Variants in COL18A1 observed in about 807,000 individuals in gnomAD.
COL18A1 encodes the protein collagen type XVIII alpha 1 chain, also known as collagen alpha-1(XVIII) chain.
Under a neutral mutation model 168.0 loss-of-function variants are expected in COL18A1, and 133 were observed. The ratio of observed to expected loss-of-function variants is 0.79; its 90% confidence interval spans 0.69 to 0.91. COL18A1 has a LOEUF of 0.91. COL18A1 is among the 40% of genes least tolerant of loss of function. COL18A1 has a pLI of 0.00. For synonymous variants in COL18A1, 949 were observed against 809.0 expected, an observed-to-expected ratio of 1.17 and a Z score of -2.94; for missense variants, 2,126 against 1,925.4, an observed-to-expected ratio of 1.10 and a Z score of -1.95.
chr21:45,482,197 G>A, intron 14 of COL18A1, 172 bp downstream of exon 14: 1 of 628,612 alleles, frequency 1.6e-6, no homozygotes, highest in Non-Finnish European at 2.9e-6. Context: ...TGGGCGGCTG[G>A]GGCTTGGGTA....
At chr21:45,451,494 T>C (rs556115098) in intron 2 of COL18A1, among the ~76,000 whole-genome samples, 1 of 152,226 alleles carries the variant, frequency 6.6e-6, no homozygotes, top group South Asian at 2.1e-4. Context: ...CTTTCCGGGA[T>C]CCCACGGGGT....
rs773189476 is a variant in COL18A1, at chr21:45,497,037, C to T, written c.2578-13C>T. On this transcript the variant is annotated splice_polypyrimidine_tract_variant and intron_variant, in intron 30 of 41. Coordinates refer to ENST00000651438, the MANE Select transcript of COL18A1 (RefSeq NM_001379500.1). ...CATCGCCCTCAGCAGCCGCCTCTCC[C>T]CGTTCCTTGCAGGTGTTTGCTGAGT... The T allele has an allele frequency of 6.3e-7, 1 of 1,599,066 alleles. No homozygotes were observed. The highest frequency in any genetic ancestry group is 8.5e-7 in the Non-Finnish European group (1 of 1,170,126).
intron 2 of COL18A1, chr21:45,455,443 G>GGGAGGGCA: frequency 7.0e-6 from 11 of 1,565,590 alleles, no homozygotes; most frequent in South Asian, 1.1e-5. Flanking sequence ...GCCTGCACAG[G>GGGAGGGCA]GGAGGGCAGG....
intron 2 of COL18A1, among the ~76,000 whole-genome samples, chr21:45,453,098 C>T (rs1206235291): frequency 6.6e-6 from 1 of 151,426 alleles, no homozygotes; most frequent in African/African-American, 2.4e-5. Flanking sequence ...TCATGTATGA[C>T]ATGTAAGCAT....
chr21:45,414,200 A>G (rs80045316), intron 2 of COL18A1, among the ~76,000 whole-genome samples: 3,800 of 152,206 alleles, frequency 0.025, 151 homozygotes, highest in African/African-American at 0.084. Flanking sequence ...GCCTCTTGCT[A>G]GGAGGCCATG....
chr21:45,476,401 A>C lies in COL18A1; in HGVS notation c.849A>C (p.Pro283=), dbSNP rs761321726. Residue 283 remains proline (P), a synonymous_variant, in exon 6 of 42, where the codon CCA becomes CCC. Transcript: ENST00000651438. ...RLPAPPPVTT[P]PLAGGSSTED... ...CCGCGCCACCCCCCGTCACCACGCC[A>C]CCCTTGGCTGGAGGCAGCAGCACGG... The C allele has an allele frequency of 1.2e-6, 2 of 1,614,034 alleles. No individual in the cohort carries two copies. Among genetic ancestry groups the C allele is most frequent in the Non-Finnish European group, 1.7e-6 (2 of 1,180,006 alleles).
chr21:45,493,547 C>T lies in COL18A1; in HGVS notation c.2324C>T (p.Ala775Val). The change falls in exon 26 of 42, where the codon GCC becomes GTC. Residue 775 changes from alanine to valine, a missense_variant. Coordinates refer to ENST00000651438, the MANE Select transcript of COL18A1 (RefSeq NM_001379500.1). ...PGSIFSPDGG[A>V]LGPAQKGAKG... is the part of the protein sequence containing the mutation. Reference sequence around the variant, plus strand: ...AGCATCTTCAGCCCCGACGGCGGTGCCCTGGGCCCTGCCCAGAAAGGAGCC... The same window carrying T: ...AGCATCTTCAGCCCCGACGGCGGTGTCCTGGGCCCTGCCCAGAAAGGAGCC... 1 of 1,558,194 alleles carries T rather than the reference C, an allele frequency of 6.4e-7. No individual in the cohort carries two copies.
At chr21:45,405,285 C>CGGCTGCGGGGACTGCGG (rs767179082) in intron 1 of COL18A1, 44 bp downstream of exon 1, 12 of 283,462 alleles carry the variant, frequency 4.2e-5, no homozygotes, top group Non-Finnish European at 5.6e-5. Flanking sequence ...CGCCAAGATG[C>CGGCTGCGGGGACTGCGG]GGCTGCGGGG....
intron 33 of COL18A1, 162 bp from the exon 34 acceptor site, chr21:45,504,254 C>A: frequency 1.1e-6 from 1 of 873,166 alleles, no homozygotes; most frequent in Non-Finnish European, 1.8e-6. Context: ...TCGGCTGATG[C>A]AGTGGGAGGT....
In COL18A1 at chr21:45,498,044, T is replaced by C. The variant is rs2036601777; in HGVS notation, c.2683+383T>C. ...CTCTGTCGAGAAACTCTCCAGGGTT[T>C]CATGTGGGAAGGAGGCGTTGCCCGA... On this transcript the variant is annotated intron_variant, in intron 32 of 41. Transcript: ENST00000651438. This position sits in a 1 kb window ranked among gnomAD's most constrained non-coding sequence, Gnocchi z 4.5. 6.6e-6 allele frequency among the ~76,000 whole-genome samples: 1 copy of C among 152,120 alleles called. No individual in the cohort carries two copies. Among genetic ancestry groups the C allele is most frequent in the African/African-American group, 2.4e-5 (1 of 41,422 alleles).
At chr21:45,456,073 C>T (rs761412846) in intron 2 of COL18A1, 4 of 1,603,762 alleles carry the variant, frequency 2.5e-6, no homozygotes, top group East Asian at 4.5e-5. Flanking sequence ...CGGGCGCCCA[C>T]ACAACCGAGG....
intron 2 of COL18A1, among the ~76,000 whole-genome samples, chr21:45,412,170 G>A (rs549526881): frequency 6.6e-5 from 10 of 151,266 alleles, no homozygotes; most frequent in East Asian, 2.0e-4. Flanking sequence ...CCTATTTTGC[G>A]TACTTTTATT....
At chr21:45,496,258 C>G in intron 29 of COL18A1, 1 of 699,312 alleles carries the variant, frequency 1.4e-6, no homozygotes. Context: ...GACCCGGTGG[C>G]CTCTTCACTC....
chr21:45,432,944 C>T (rs1426040139), intron 2 of COL18A1, among the ~76,000 whole-genome samples: 3 of 152,206 alleles, frequency 2.0e-5, no homozygotes, highest in Non-Finnish European at 4.4e-5. Flanking sequence ...GCCAAATGTC[C>T]CACTAAATTC....
At position 45,455,980 on chromosome 21, in the gene COL18A1, C is replaced by T. The variant is rs780033569; in HGVS notation, c.107-12262C>T. 37 of 1,612,872 alleles carry T rather than the reference C, an allele frequency of 2.3e-5. No homozygotes were observed. Among genetic ancestry groups the T allele is most frequent in the Non-Finnish European group, 2.9e-5 (34 of 1,179,978 alleles). On this transcript the variant is annotated intron_variant, in intron 2 of 41. Transcript: ENST00000651438. ...CCCTGGTCCTGGAGACTCCTGTGGG[C>T]CCCCTTGCCCTCGCTGGGCCTTCCA...
Position 45,505,389 on chromosome 21 carries a change from T to G in COL18A1, c.3045T>G (p.Pro1015=). Residue 1015 remains proline, a synonymous_variant, in exon 36 of 42, where the codon CCT becomes CCG. Coordinates refer to ENST00000651438, the MANE Select transcript of COL18A1 (RefSeq NM_001379500.1). ...GCGTTCCCGGCCCTCCGGGCCCCCC[T>G]GGGCCCCCTGGGCCCCCTGGAACCA... is the stretch of plus-strand genomic sequence containing the variant. The part of the protein sequence containing the change: ...TISVPGPPGP[P]GPPGPPGTMG... The G allele has an allele frequency of 1.9e-6, 3 of 1,570,866 alleles. No individual in the cohort carries two copies. Among genetic ancestry groups the G allele is most frequent in the South Asian group, 2.2e-5 (2 of 88,986 alleles).
chr21:45,448,786 T>C (rs1292441769), intron 2 of COL18A1, among the ~76,000 whole-genome samples: 2 of 152,232 alleles, frequency 1.3e-5, no homozygotes, highest in Non-Finnish European at 2.9e-5. Context: ...TTTTGGGCAG[T>C]CCCAGAGCCG....
rs998252841 is a variant in COL18A1, at chr21:45,463,073, C to G, written c.107-5169C>G. On this transcript the variant is annotated intron_variant, in intron 2 of 41. Transcript: ENST00000651438. This position sits in a 1 kb window ranked among gnomAD's most constrained non-coding sequence, Gnocchi z 4.0. ...ATGTCCCGTTCTTTCATGTTTGGCT[C>G]CCAAAGGAGGAATAAGATAAAAATG... 6.6e-6 allele frequency among the ~76,000 whole-genome samples: 1 copy of G among 152,114 alleles called. No homozygotes were observed. Among genetic ancestry groups the G allele is most frequent in the Admixed American group, 6.5e-5 (1 of 15,274 alleles).
intron 17 of COL18A1, chr21:45,487,717 G>A (rs557458964): frequency 7.1e-6 from 5 of 702,286 alleles, no homozygotes; most frequent in Admixed American, 4.0e-5. Context: ...CACGGGGTGA[G>A]GGCCTGGTCT....
Sources: allele counts gnomAD v4.1 joint callset (sites outside exome capture counted in the v4.1 genomes callset), GRCh38; gene constraint gnomAD v4.1.1; non-coding constraint Gnocchi (gnomAD v3.1); transcripts MANE v1.5; gene names NCBI Gene and HGNC (gene_info 2026-07-23, HGNC 2026-07-21).